Variants in KCNQ1OT1 observed in about 807,000 individuals in gnomAD.
KCNQ1OT1 encodes KCNQ1 opposite strand/antisense transcript 1.
In KCNQ1OT1 at chr11:2,652,694, T is replaced by C; in HGVS notation, n.47301A>G. The stretch of plus-strand genomic sequence containing the variant: ...GATTTTAGTTGTGTGGGTGGCTGTG[T>C]TGCTCTCTTTCCGTTTCCTGGGCTC... On this transcript the variant is annotated non_coding_transcript_exon_variant, in exon 1 of 1. Coordinates refer to ENST00000597346, the Ensembl canonical transcript of KCNQ1OT1. The surrounding 1 kb of genome is among the most constrained non-coding windows in gnomAD (Gnocchi z 5.9). The C allele has an allele frequency of 2.5e-6, 1 of 398,862 alleles. No individual in the cohort carries two copies. The highest frequency in any genetic ancestry group is 4.4e-6 in the Non-Finnish European group (1 of 226,276). 24.7% of individuals were successfully genotyped at this position (398,862 alleles called of 1,614,324 possible). A position where few individuals can be genotyped will look rare whatever the true frequency, so the allele number is the denominator to read the frequency against.
chr11:2,618,316 T>G, exon 1 of KCNQ1OT1: 1 of 398,468 alleles, frequency 2.5e-6, no homozygotes, highest in Non-Finnish European at 4.4e-6. Flanking sequence ...GCTAAAAAAA[T>G]GCAAAAAAAT....
At chr11:2,618,621 A>C (rs923559264) in exon 1 of KCNQ1OT1, 1 of 398,498 alleles carries the variant, frequency 2.5e-6, no homozygotes, top group African/African-American at 2.1e-5. Context: ...TAAACCAGAA[A>C]GTATGAAGTC....
exon 1 of KCNQ1OT1, chr11:2,609,520 A>C (rs2133788695): frequency 2.5e-6 from 1 of 398,368 alleles, no homozygotes; most frequent in African/African-American, 2.1e-5. Context: ...GAAGTGCTCT[A>C]TAATTACCTT....
exon 1 of KCNQ1OT1, chr11:2,615,307 T>C (rs1849042982): frequency 2.5e-6 from 1 of 397,984 alleles, no homozygotes; most frequent in Non-Finnish European, 4.4e-6. Flanking sequence ...TGTGGATTCT[T>C]TGATTTTCTA....
chr11:2,665,187 C>T (rs1447235476), exon 1 of KCNQ1OT1: 4 of 398,566 alleles, frequency 1.0e-5, no homozygotes, highest in East Asian at 3.6e-5. Flanking sequence ...GACTCAGCCT[C>T]GAACACACCT....
rs1404444376 is a variant in KCNQ1OT1 at position 2,642,112 on chromosome 11, T to C, written n.57883A>G. The C allele has an allele frequency of 1.8e-5, 7 of 398,372 alleles. No individual in the cohort carries two copies. The highest frequency in any genetic ancestry group is 4.4e-5 in the Admixed American group (1 of 22,712). The allele number at this position is 398,372 out of a possible 1,614,324, so 24.7% of individuals were successfully genotyped here. On this transcript the variant is annotated non_coding_transcript_exon_variant, in exon 1 of 1. Transcript: ENST00000597346. The surrounding 1 kb of genome is among the most constrained non-coding windows in gnomAD (Gnocchi z 4.3). ...TTGCTGTGGCTATTCCAGCTCTTTT[T>C]TGGTTCCATCTGAATTTTAGGATTT...
exon 1 of KCNQ1OT1, chr11:2,692,108 CCAT>C (rs1369269635): frequency 8.3e-5 from 33 of 398,672 alleles, no homozygotes; most frequent in Non-Finnish European, 1.3e-5. Context: ...TCCACAGCCT[CCAT>C]CATTTTATAG....
Position 2,649,772 on chromosome 11 carries a change from A to T in KCNQ1OT1, n.50223T>A, listed in dbSNP as rs978669024. 1.0e-5 allele frequency: 4 copies of T among 398,392 alleles called. No individual in the cohort carries two copies. The South Asian group carries it at 3.8e-4, about 38-fold the overall frequency. The allele number at this position is 398,392 out of a possible 1,614,324, so 24.7% of individuals were successfully genotyped here. The stretch of plus-strand genomic sequence containing the variant: ...AGTTTGATGAAAATGTGCCTCAGAG[A>T]GGCCCTTTTAGGGTTGAATCTATTT... On this transcript the variant is annotated non_coding_transcript_exon_variant, in exon 1 of 1. Coordinates refer to ENST00000597346, the Ensembl canonical transcript of KCNQ1OT1.
At chr11:2,641,776 C>A in exon 1 of KCNQ1OT1, 1 of 398,428 alleles carries the variant, frequency 2.5e-6, no homozygotes, top group South Asian at 1.3e-4. Context: ...TTTCATGCCT[C>A]ATGTTTAAGT....
chr11:2,638,000 C>T (rs1299896075), exon 1 of KCNQ1OT1: 2 of 152,106 alleles, frequency 1.3e-5, no homozygotes, highest in Non-Finnish European at 2.9e-5. Context: ...AGGATTGCAA[C>T]CCCTGCCTTT....
At chr11:2,646,118 TTTC>T (rs1294711995) in exon 1 of KCNQ1OT1, 5 of 398,598 alleles carry the variant, frequency 1.3e-5, no homozygotes, top group Admixed American at 8.8e-5. Flanking sequence ...GCATTGGGTT[TTTC>T]TTATTACTTC....
exon 1 of KCNQ1OT1, chr11:2,650,345 C>T: frequency 5.0e-6 from 2 of 398,450 alleles, no homozygotes; most frequent in Admixed American, 8.8e-5. Context: ...TTTTTTGTGT[C>T]CCCAAGTTGA....
At chr11:2,618,483 T>C (rs888247737) in exon 1 of KCNQ1OT1, 14 of 398,500 alleles carry the variant, frequency 3.5e-5, no homozygotes, top group African/African-American at 6.2e-5. Context: ...GTTTTCTTCG[T>C]GTTCTTGTGG....
In KCNQ1OT1 at chr11:2,613,336, C is replaced by G. The variant is rs545847270; in HGVS notation, n.86659G>C. 4 of 398,530 alleles carry G rather than the reference C, an allele frequency of 1.0e-5. No individual in the cohort carries two copies. Among genetic ancestry groups the G allele is most frequent in the African/African-American group, 8.2e-5 (4 of 48,724 alleles). 24.7% of individuals were successfully genotyped at this position (398,530 alleles called of 1,614,324 possible). A position where few individuals can be genotyped will look rare whatever the true frequency, so the allele number is the denominator to read the frequency against. On this transcript the variant is annotated non_coding_transcript_exon_variant, in exon 1 of 1. Transcript: ENST00000597346. The surrounding 1 kb of genome is among the most constrained non-coding windows in gnomAD (Gnocchi z 4.8). ...CCTTTTAAAATTTTTCTTAATCTGT[C>G]GCTTGCCCAACCAGTATTGAAACAT...
Position 2,654,298 on chromosome 11 carries a change from G to A in KCNQ1OT1, n.45697C>T, listed in dbSNP as rs748868207. The A allele has an allele frequency of 1.3e-5, 5 of 398,708 alleles. No individual in the cohort carries two copies. The highest frequency in any genetic ancestry group is 2.2e-5 in the Non-Finnish European group (5 of 226,310). The allele number at this position is 398,708 out of a possible 1,614,324, so 24.7% of individuals were successfully genotyped here. ...GGCTTTGGTGAATCCACTGAGAGGG[G>A]GAGATTTCTTGAGGGGGCCAGGGAG... On this transcript the variant is annotated non_coding_transcript_exon_variant, in exon 1 of 1. Coordinates refer to ENST00000597346, the Ensembl canonical transcript of KCNQ1OT1. The surrounding 1 kb of genome is among the most constrained non-coding windows in gnomAD (Gnocchi z 6.4).
At position 2,627,164 on chromosome 11, in the gene KCNQ1OT1, T is replaced by G. The variant is rs1338348826; in HGVS notation, n.72831A>C. On this transcript the variant is annotated non_coding_transcript_exon_variant, in exon 1 of 1. Coordinates refer to ENST00000597346, the Ensembl canonical transcript of KCNQ1OT1. The surrounding 1 kb of genome is among the most constrained non-coding windows in gnomAD (Gnocchi z 4.9). Reference sequence around the variant, plus strand: ...TGGTAAAGTTGGTTCCTAAGTTTGTTATTCTTGATGCTTTTTTCAGCTTTT... The same window carrying G: ...TGGTAAAGTTGGTTCCTAAGTTTGTGATTCTTGATGCTTTTTTCAGCTTTT... The G allele has an allele frequency of 2.5e-6, 1 of 398,438 alleles. No homozygotes were observed. Among genetic ancestry groups the G allele is most frequent in the Non-Finnish European group, 4.4e-6 (1 of 226,056 alleles). 24.7% of individuals were successfully genotyped at this position (398,438 alleles called of 1,614,324 possible).
At chr11:2,628,587 G>C (rs72850246) in exon 1 of KCNQ1OT1, 2 of 398,274 alleles carry the variant, frequency 5.0e-6, no homozygotes, top group Non-Finnish European at 8.8e-6. Flanking sequence ...CCCGCTACAT[G>C]TGCTGCCTTT....
At position 2,690,581 on chromosome 11, in the gene KCNQ1OT1, A is replaced by C. The variant is rs942765232; in HGVS notation, n.9414T>G. 1 of 398,554 alleles carries C rather than the reference A, an allele frequency of 2.5e-6. No homozygotes were observed. The highest frequency in any genetic ancestry group is 4.4e-6 in the Non-Finnish European group (1 of 226,084). The allele number at this position is 398,554 out of a possible 1,614,324, so 24.7% of individuals were successfully genotyped here. On this transcript the variant is annotated non_coding_transcript_exon_variant, in exon 1 of 1. Transcript: ENST00000597346. The surrounding 1 kb of genome is among the most constrained non-coding windows in gnomAD (Gnocchi z 5.1). ...ACATGTCAAAGATGGGACAGAACCC[A>C]CCTCCTGGCAGGGAGTGGGGCACAC... is the stretch of plus-strand genomic sequence containing the variant.
rs1476293617 is a variant in KCNQ1OT1, at chr11:2,626,830, T to C, written n.73165A>G. Reference sequence around the variant, plus strand: ...GGTGTAGGCCATTGTACCTGGCCTGTAGTAAGTTTTCAAATCAGAAAGTGT... The same window carrying C: ...GGTGTAGGCCATTGTACCTGGCCTGCAGTAAGTTTTCAAATCAGAAAGTGT... On this transcript the variant is annotated non_coding_transcript_exon_variant, in exon 1 of 1. Transcript: ENST00000597346. This position sits in a 1 kb window ranked among gnomAD's most constrained non-coding sequence, Gnocchi z 4.0. The C allele has an allele frequency of 5.0e-6, 2 of 398,492 alleles. No homozygotes were observed. Among genetic ancestry groups the C allele is most frequent in the African/African-American group, 2.1e-5 (1 of 48,624 alleles). 24.7% of individuals were successfully genotyped at this position (398,492 alleles called of 1,614,324 possible).
Sources: gnomAD v4.1 joint callset for allele counts on GRCh38, gnomAD v4.1.1 for gene constraint, Gnocchi (gnomAD v3.1) non-coding constraint, MANE v1.5 for transcripts, NCBI Gene and HGNC (gene_info 2026-07-23, HGNC 2026-07-21) for gene names.